Variants in TSPAN10 observed in about 807,000 individuals in gnomAD.
TSPAN10 encodes the protein tetraspanin 10.
TSPAN10 carries 11 observed loss-of-function variants against 15.0 expected under a neutral mutation model. That is an observed-to-expected ratio of 0.73 (90% CI 0.46 to 1.21). TSPAN10 has a LOEUF of 1.21. Among genes scored for constraint, TSPAN10 ranks in the 50% most tolerant of loss-of-function variants. The probability of loss-of-function intolerance (pLI) is 0.00; values close to 1 mark genes in which losing one functional copy is unlikely to be tolerated. For missense variants in TSPAN10, 486 were observed against 470.6 expected (o/e 1.03, Z -0.30); for synonymous variants, 241 against 226.2 (o/e 1.07, Z -0.59).
intron 2 of TSPAN10, among the ~76,000 whole-genome samples, chr17:81,646,853 GTTTGTTTT>G (rs150907809): frequency 0.43 from 65,293 of 151,126 alleles, 15,232 homozygotes; most frequent in East Asian, 0.78. Flanking sequence ...TGGTTTGTTT[GTTTGTTTT>G]TTTGAGACGG....
At chr17:81,642,754 T>TC (rs1179842686) in intron 1 of TSPAN10, among the ~76,000 whole-genome samples, 2 of 152,228 alleles carry the variant, frequency 1.3e-5, no homozygotes, top group Admixed American at 1.3e-4. Context: ...GCAGCCAGCC[T>TC]CCAACGGCCT....
chr17:81,640,538 T>C (rs2036168983), upstream of TSPAN10, among the ~76,000 whole-genome samples: 1 of 152,144 alleles, frequency 6.6e-6, no homozygotes, highest in African/African-American at 2.4e-5. Context: ...AACCTCTGCC[T>C]CCTGGGTCCC....
At chr17:81,640,769 T>G (rs527314660), upstream of TSPAN10, among the ~76,000 whole-genome samples, 195 of 152,274 alleles carry the variant, frequency 1.3e-3, no homozygotes, top group Middle Eastern at 3.4e-3. Flanking sequence ...TTAAAGGCCC[T>G]GTCTCCAAGT....
chr17:81,637,656 A>G (rs1259641588), upstream of TSPAN10: 15 of 409,032 alleles, frequency 3.7e-5, no homozygotes, highest in Non-Finnish European at 6.7e-5. Context: ...AAATTAGGCC[A>G]TACGCGGTGG....
intron 2 of TSPAN10, chr17:81,647,320 G>C (rs1307234380): frequency 7.0e-6 from 3 of 427,616 alleles, no homozygotes; most frequent in Non-Finnish European, 1.4e-5. Context: ...CAGGTCTGCT[G>C]GGCCCGTGTG....
downstream of TSPAN10, chr17:81,648,356 T>G (rs1204049363): frequency 1.7e-6 from 2 of 1,188,442 alleles, no homozygotes; most frequent in East Asian, 7.1e-5. Context: ...TCCGCCCGGC[T>G]AAAAAGCGCG....
chr17:81,643,036 C>T (rs1331499231), intron 1 of TSPAN10, among the ~76,000 whole-genome samples: 3 of 149,574 alleles, frequency 2.0e-5, no homozygotes, highest in Non-Finnish European at 3.0e-5. Context: ...GATAGAGTCT[C>T]GCTCTGTCAC....
upstream of TSPAN10, among the ~76,000 whole-genome samples, chr17:81,640,046 A>T (rs2036164635): frequency 1.3e-5 from 2 of 151,240 alleles, no homozygotes; most frequent in African/African-American, 4.9e-5. Context: ...GCAGTGGCAC[A>T]ATCGTGGCTC....
chr17:81,642,587 G>T, intron 1 of TSPAN10, 139 bp downstream of exon 2: 4 of 870,148 alleles, frequency 4.6e-6, no homozygotes, highest in Admixed American at 2.6e-5. Context: ...ATTGGGTTGA[G>T]GGGGGTGGTT....
chr17:81,645,726 C>G, intron 2 of TSPAN10, 97 bp downstream of exon 3: 1 of 1,458,360 alleles, frequency 6.9e-7, no homozygotes, highest in Admixed American at 1.9e-5. Context: ...CGTACATACT[C>G]ATTCGTGCAT....
At chr17:81,639,369 G>A (rs1489950887), upstream of TSPAN10, among the ~76,000 whole-genome samples, 4 of 151,606 alleles carry the variant, frequency 2.6e-5, no homozygotes, top group Admixed American at 6.6e-5. Flanking sequence ...TACCACGCCC[G>A]GCTAATTTTT....
At chr17:81,639,979 CA>C (rs1285964538), upstream of TSPAN10, among the ~76,000 whole-genome samples, 83 of 123,324 alleles carry the variant, frequency 6.7e-4, no homozygotes, top group Middle Eastern at 4.1e-3. Flanking sequence ...GACTCCGTCT[CA>C]AAAAAAAAAA....
At chr17:81,642,540 C>G in intron 1 of TSPAN10, 92 bp downstream of exon 2, 1 of 1,342,414 alleles carries the variant, frequency 7.4e-7, no homozygotes, top group African/African-American at 1.5e-5. Flanking sequence ...TCACACCCAC[C>G]CCTGCCCCTG....
chr17:81,645,731 G>A lies in TSPAN10; in HGVS notation c.674+102G>A, dbSNP rs925779597. On this transcript the variant is annotated intron_variant, in intron 2 of 2. Coordinates refer to ENST00000611590, the Ensembl canonical transcript of TSPAN10. Reference sequence around the variant, plus strand: ...GTCACTCACACGTACATACTCATTCGTGCATGCCCACATGCATGCACACGT... The same window carrying A: ...GTCACTCACACGTACATACTCATTCATGCATGCCCACATGCATGCACACGT... 1.9e-5 allele frequency: 27 copies of A among 1,438,294 alleles called. 1 individual carries two copies. The Middle Eastern group carries it at 1.0e-3, about 54-fold the overall frequency. 89.1% of individuals were successfully genotyped at this position (1,438,294 alleles called of 1,614,324 possible). A position where few individuals can be genotyped will look rare whatever the true frequency, so the allele number is the denominator to read the frequency against.
chr17:81,640,793 C>T (rs1210675059), upstream of TSPAN10, among the ~76,000 whole-genome samples: 1 of 152,164 alleles, frequency 6.6e-6, no homozygotes, highest in East Asian at 1.9e-4. Context: ...ATTCTGAGGT[C>T]CGGGGGGCTA....
At position 81,644,972 on chromosome 17, in the gene TSPAN10, T is replaced by A. The variant is rs747638893; in HGVS notation, c.37-20T>A. The A allele has an allele frequency of 1.7e-5, 28 of 1,608,524 alleles. No homozygotes were observed. The highest frequency in any genetic ancestry group is 2.3e-5 in the Non-Finnish European group (27 of 1,179,482). The stretch of plus-strand genomic sequence containing the variant: ...AGTCTGGGTGAATGCGGTCTCACCC[T>A]GTTCCTCTTCCCTCTGCAGGAAACT... On this transcript the variant is annotated intron_variant, in intron 1 of 2. Coordinates refer to ENST00000611590, the Ensembl canonical transcript of TSPAN10.
chr17:81,637,281 GC>G (rs2036113459), exon 1 of TSPAN10: 1 of 618,890 alleles, frequency 1.6e-6, no homozygotes, highest in African/African-American at 1.9e-5. Flanking sequence ...AACCCAAGCG[GC>G]ACAGGAAAGT....
chr17:81,648,395 G>T (rs1435081577), downstream of TSPAN10: 2 of 1,103,072 alleles, frequency 1.8e-6, no homozygotes, highest in Admixed American at 4.6e-5. Flanking sequence ...GCCTGATTTC[G>T]CTCGGGCTTC....
chr17:81,642,316 G>A, upstream of TSPAN10: 1 of 1,462,410 alleles, frequency 6.8e-7, no homozygotes, highest in Non-Finnish European at 9.6e-7. Flanking sequence ...GACTAGCCCA[G>A]GGCCGCAGTC....
Sources: allele counts gnomAD v4.1 joint callset (sites outside exome capture counted in the v4.1 genomes callset), GRCh38; gene constraint gnomAD v4.1.1; transcripts MANE v1.5; gene names NCBI Gene and HGNC (gene_info 2026-07-23, HGNC 2026-07-21).